The following MOB1B variants were observed in gnomAD, a reference collection of about 807,000 sequenced individuals.
MOB1B encodes MOB1 Mps One Binder homolog B.
In MOB1B, 19 loss-of-function variants were observed where a neutral mutation model predicts 24.4. That is an observed-to-expected ratio of 0.78 (90% CI 0.54 to 1.14). The LOEUF (loss-of-function observed/expected upper bound fraction) is 1.14. Among genes scored for constraint, MOB1B ranks in the 50% most tolerant of loss-of-function variants. The pLI is 0.00. For missense variants in MOB1B, 243 were observed against 259.6 expected (o/e 0.94, Z 0.44); for synonymous variants, 76 against 82.1 (o/e 0.93, Z 0.40).
chr4:70,965,296 C>CA (rs1175536577), intron 2 of MOB1B, among the ~76,000 whole-genome samples: 8,501 of 34,318 alleles, frequency 0.25, 1,453 homozygotes, highest in African/African-American at 0.34. Flanking sequence ...GACTTCATCT[C>CA]AAAAAAAAAA....
intron 2 of MOB1B, among the ~76,000 whole-genome samples, chr4:70,962,006 G>C (rs1017678420): frequency 3.3e-5 from 5 of 151,998 alleles, no homozygotes; most frequent in Admixed American, 6.6e-5. Flanking sequence ...TGGGAGGATT[G>C]TTTGAGGCCA....
intron 1 of MOB1B, among the ~76,000 whole-genome samples, chr4:70,956,768 G>A (rs1268731526): frequency 6.6e-6 from 1 of 152,110 alleles, no homozygotes; most frequent in Non-Finnish European, 1.5e-5. Context: ...AGTAGAGATA[G>A]GAGAGGGTGT....
At chr4:70,928,771 A>C (rs1459734831) in intron 1 of MOB1B, among the ~76,000 whole-genome samples, 1 of 152,202 alleles carries the variant, frequency 6.6e-6, no homozygotes, top group Non-Finnish European at 1.5e-5. Context: ...TTTTTTTAAT[A>C]GACACGGGGT....
Position 70,930,965 on chromosome 4 carries a change from C to CTTT in MOB1B, c.15-27890_15-27888dup, listed in dbSNP as rs71211981. ...TTAAACATTTTTAATTGTACCTTTC[C>CTTT]TTTTTTTTTTTTTTTTTTTTTAACA... On this transcript the variant is annotated intron_variant, in intron 1 of 5. Transcript: ENST00000309395. Among the ~76,000 whole-genome samples, 36 of 114,278 alleles carry CTTT rather than the reference C, an allele frequency of 3.2e-4. No individual in the cohort carries two copies. In the East Asian group the frequency reaches 8.0e-3, roughly 25 times the overall value. 75.0% of individuals were successfully genotyped at this position (114,278 alleles called of 152,430 possible). A position where few individuals can be genotyped will look rare whatever the true frequency, so the allele number is the denominator to read the frequency against.
chr4:70,934,004 T>C (rs1736983348), intron 1 of MOB1B, among the ~76,000 whole-genome samples: 1 of 152,078 alleles, frequency 6.6e-6, no homozygotes, highest in Admixed American at 6.5e-5. Context: ...CTGGTCAACA[T>C]GGCAAAGATC....
Position 70,930,132 on chromosome 4 carries a change from G to A in MOB1B, c.14+27582G>A, listed in dbSNP as rs944957912. 4.6e-5 allele frequency among the ~76,000 whole-genome samples: 7 copies of A among 151,774 alleles called. No individual in the cohort carries two copies. The East Asian group carries it at 1.3e-3, about 29-fold the overall frequency. On this transcript the variant is annotated intron_variant, in intron 1 of 5. Coordinates refer to ENST00000309395, the MANE Select transcript of MOB1B (RefSeq NM_173468.4). ...TTACTAGAAAAATAATGCTTTTTTC[G>A]AAATTAGCATATAGTATAGTCTATA... is the stretch of plus-strand genomic sequence containing the variant.
chr4:70,961,761 G>A (rs932736028), intron 2 of MOB1B, among the ~76,000 whole-genome samples: 3 of 152,136 alleles, frequency 2.0e-5, no homozygotes, highest in Admixed American at 6.5e-5. Flanking sequence ...AGGTGAATAG[G>A]GTTGGAGTCA....
At chr4:70,912,480 A>G (rs1236106127) in intron 1 of MOB1B, among the ~76,000 whole-genome samples, 1 of 151,966 alleles carries the variant, frequency 6.6e-6, no homozygotes, top group African/African-American at 2.4e-5. Context: ...GGGTTTCACC[A>G]TGTTGACCAG....
At chr4:70,956,710 G>A (rs571390548) in intron 1 of MOB1B, among the ~76,000 whole-genome samples, 13 of 152,168 alleles carry the variant, frequency 8.5e-5, no homozygotes, top group Non-Finnish European at 1.8e-4. Context: ...GTGGGCCACT[G>A]TGCTCAGCCC....
At position 70,908,347 on chromosome 4, in the gene MOB1B, A is replaced by T. The variant is rs1419551070; in HGVS notation, c.14+5797A>T. Among the ~76,000 whole-genome samples the T allele has an allele frequency of 4.8e-5, 7 of 144,580 alleles. No individual in the cohort carries two copies. The East Asian group carries it at 8.4e-4, about 17-fold the overall frequency. 94.9% of individuals were successfully genotyped at this position (144,580 alleles called of 152,430 possible). A position where few individuals can be genotyped will look rare whatever the true frequency, so the allele number is the denominator to read the frequency against. On this transcript the variant is annotated intron_variant, in intron 1 of 5. Coordinates refer to ENST00000309395, the MANE Select transcript of MOB1B (RefSeq NM_173468.4). ...CCGGCCCTCTTTTTTTTTTTTTTTT[A>T]AATGTCAACAATGAAAGCTGAACTA...
chr4:70,965,393 T>A (rs937680065), intron 2 of MOB1B, among the ~76,000 whole-genome samples: 6 of 149,874 alleles, frequency 4.0e-5, no homozygotes, highest in Middle Eastern at 3.5e-3. Flanking sequence ...TTTAATATTT[T>A]AAAAATAATA....
intron 1 of MOB1B, among the ~76,000 whole-genome samples, chr4:70,929,147 C>G (rs1282932584): frequency 6.7e-6 from 1 of 150,190 alleles, no homozygotes; most frequent in Admixed American, 6.6e-5. Context: ...TTTCTGTCCC[C>G]TGTATTTCTT....
At chr4:70,944,130 G>A (rs535705123) in intron 1 of MOB1B, among the ~76,000 whole-genome samples, 4 of 151,984 alleles carry the variant, frequency 2.6e-5, no homozygotes, top group Admixed American at 2.6e-4. Context: ...CACCTTTCAG[G>A]TTCAAGTGAT....
At chr4:70,970,866 G>T (rs1351271736) in intron 3 of MOB1B, among the ~76,000 whole-genome samples, 1 of 152,216 alleles carries the variant, frequency 6.6e-6, no homozygotes, top group Non-Finnish European at 1.5e-5. Context: ...GCAGTTCTCA[G>T]TAAAGAGAAA....
intron 3 of MOB1B, among the ~76,000 whole-genome samples, chr4:70,973,374 A>T (rs1161700807): frequency 1.4e-5 from 2 of 146,760 alleles, no homozygotes; most frequent in East Asian, 2.2e-4. Flanking sequence ...GGAGGCCAAG[A>T]TGGGAGGATT....
intron 2 of MOB1B, 130 bp from the exon 3 acceptor site, chr4:70,969,801 C>G: frequency 2.2e-6 from 1 of 459,202 alleles, no homozygotes. Context: ...ATTGATACTT[C>G]TGTGTATGGT....
chr4:70,927,374 T>C (rs1447530527), intron 1 of MOB1B, among the ~76,000 whole-genome samples: 5 of 152,014 alleles, frequency 3.3e-5, no homozygotes, highest in Non-Finnish European at 7.4e-5. Flanking sequence ...CCCCCGTCTC[T>C]ACTAAAAATA....
intron 1 of MOB1B, among the ~76,000 whole-genome samples, chr4:70,926,293 A>G (rs1736652295): frequency 6.8e-6 from 1 of 147,568 alleles, no homozygotes; most frequent in Non-Finnish European, 1.5e-5. Flanking sequence ...TTAACTGAAG[A>G]TTGTCATGGG....
intron 1 of MOB1B, among the ~76,000 whole-genome samples, chr4:70,952,118 C>A (rs1198535356): frequency 6.6e-6 from 1 of 152,116 alleles, no homozygotes; most frequent in East Asian, 1.9e-4. Flanking sequence ...TACATGCGTA[C>A]ACACAAGGAT....
Sources: allele counts gnomAD v4.1 joint callset (sites outside exome capture counted in the v4.1 genomes callset), GRCh38; gene constraint gnomAD v4.1.1; transcripts MANE v1.5; gene names NCBI Gene and HGNC (gene_info 2026-07-23, HGNC 2026-07-21).